APOBR: variants seen among roughly 807,000 people sequenced by gnomAD.
The protein encoded by APOBR is apoB-48R.
In APOBR, 57 loss-of-function variants were observed where a neutral mutation model predicts 88.5. The observed-to-expected ratio is 0.64, with a 90% CI of 0.52 to 0.80. The LOEUF (loss-of-function observed/expected upper bound fraction) is 0.80, where lower values mean the gene tolerates loss of function less well. Ranked by LOEUF, APOBR falls within the 30% of genes least tolerant of loss-of-function variation. The pLI is 0.00. For synonymous variants in APOBR, 588 were observed against 572.7 expected, an observed-to-expected ratio of 1.03 and a Z score of -0.38; for missense variants, 1,443 against 1,401.6, an observed-to-expected ratio of 1.03 and a Z score of -0.47.
chr16:28,496,300 A>C lies in APOBR; in HGVS notation c.1259A>C (p.Glu420Ala). Residue 420 changes from glutamate to alanine, a missense_variant, in exon 2 of 4, where the codon GAG (glutamate) becomes GCG (alanine). Coordinates refer to ENST00000564831, the MANE Select transcript of APOBR (RefSeq NM_018690.4). The part of the protein sequence containing the change: ...EEEGDEEREA[E>A]VSPFPKQPQV... Reference sequence around the variant, plus strand: ...GAGGGGGATGAGGAGAGAGAGGCTGAGGTGAGCCCTTTCCCCAAACAGCCC... The same window carrying C: ...GAGGGGGATGAGGAGAGAGAGGCTGCGGTGAGCCCTTTCCCCAAACAGCCC... The C allele has an allele frequency of 6.3e-7, 1 of 1,590,148 alleles. No homozygotes were observed. The highest frequency in any genetic ancestry group is 1.1e-5 in the South Asian group (1 of 87,334).
Position 28,495,465 on chromosome 16 carries a change from T to C in APOBR, c.424T>C (p.Ser142Pro), listed in dbSNP as rs369579024. ...CGCCCACTTGGAGGCCAGAAAGAAA[T>C]CCAAGGCAGGGTCTGGGGCTTGCCA... ...PSAHLEARKK[S>P]KAGSGACQDR... The change falls in exon 2 of 4, where the codon TCC becomes CCC. Residue 142 changes from serine to proline, a missense_variant. Ser to Pro is a moderately conservative substitution (Grantham distance 74, BLOSUM62 -1). Coordinates refer to ENST00000564831, the MANE Select transcript of APOBR (RefSeq NM_018690.4). 5 of 1,561,464 alleles carry C rather than the reference T, an allele frequency of 3.2e-6. No homozygotes were observed. Among genetic ancestry groups the C allele is most frequent in the African/African-American group, 1.4e-5 (1 of 73,172 alleles).
At chr16:28,494,958 G>A (rs539893437) in intron 1 of APOBR, 141 bp from the exon 2 acceptor site, 3 of 954,592 alleles carry the variant, frequency 3.1e-6, no homozygotes, top group East Asian at 5.4e-5. Context: ...TGCCCCTTCT[G>A]GCTCCTTCTG....
In APOBR at chr16:28,495,107, C is replaced by T. The variant is rs151233; in HGVS notation, c.66C>T (p.Leu22=). 0.14 allele frequency: 212,735 copies of T among 1,511,616 alleles called. 18,234 individuals carry two copies. Among genetic ancestry groups the T allele is most frequent in the South Asian group, 0.38 (28,795 of 75,256 alleles). The allele number at this position is 1,511,616 out of a possible 1,614,324, so 93.6% of individuals were successfully genotyped here. The change falls in exon 2 of 4, where the codon CTC becomes CTT. Residue 22 remains leucine (L), a synonymous_variant. Transcript: ENST00000564831. Reference sequence around the variant, plus strand: ...TCTCTCTTTTTTCCTAGGATTCCCTCGGCACCTTTGTCTCCTACCTCCTGG... The same window carrying T: ...TCTCTCTTTTTTCCTAGGATTCCCTTGGCACCTTTGTCTCCTACCTCCTGG... ...HQALRGALDS[L]GTFVSYLLGD...
rs778892949 is a variant in APOBR, at chr16:28,497,750, G to A, written c.2709G>A (p.Arg903=). 1.2e-6 allele frequency: 2 copies of A among 1,604,542 alleles called. No individual in the cohort carries two copies. The highest frequency in any genetic ancestry group is 1.7e-6 in the Non-Finnish European group (2 of 1,175,742). ...AACAGAGGGAAGACAGTGAGGGGCGGTGTGGGGACTACCACCCTGAGGGAG... is the reference window on the plus strand; with the variant it reads ...AACAGAGGGAAGACAGTGAGGGGCGATGTGGGGACTACCACCCTGAGGGAG... ...EREQREDSEG[R]CGDYHPEGEA... The change falls in exon 2 of 4, where the codon CGG becomes CGA. Residue 903 remains arginine, a synonymous_variant. Coordinates refer to ENST00000564831, the MANE Select transcript of APOBR (RefSeq NM_018690.4).
Position 28,494,658 on chromosome 16 carries a change from GACACACAGAC to G in APOBR, c.-22_-13del. On this transcript the variant is annotated 5_prime_UTR_variant, in exon 1 of 4. Transcript: ENST00000564831. Reference sequence around the variant, plus strand: ...GGGGACGGTCATTATCAGCTTTCTGGACACACAGACAGAGACAGACAGGATGGACTTCCTC... The same window carrying G: ...GGGGACGGTCATTATCAGCTTTCTGGAGAGACAGACAGGATGGACTTCCTC... 1 of 1,605,690 alleles carries G rather than the reference GACACACAGAC, an allele frequency of 6.2e-7. No individual in the cohort carries two copies. The highest frequency in any genetic ancestry group is 8.5e-7 in the Non-Finnish European group (1 of 1,175,168).
intron 1 of APOBR, 35 bp from the exon 2 acceptor site, chr16:28,495,064 C>G: frequency 2.0e-6 from 3 of 1,465,260 alleles, no homozygotes; most frequent in South Asian, 1.4e-5. Context: ...GGACTCTCCT[C>G]AATGACTCTC....
Position 28,496,160 on chromosome 16 carries a change from G to A in APOBR, c.1119G>A (p.Trp373Ter). The change falls in exon 2 of 4, where the codon TGG becomes TGA. Residue 373 changes from tryptophan (W) to a stop codon, truncating the protein, a stop_gained. Transcript: ENST00000564831. LOFTEE classifies it high-confidence loss of function. ...AGTASGGDEA[W>*]TTSGKEEADL... ...CAGCCTCAGGAGGGGACGAGGCCTG[G>A]ACAACCTCAGGCAAAGAGGAGGCTG... 1 of 1,548,202 alleles carries A rather than the reference G, an allele frequency of 6.5e-7. No individual in the cohort carries two copies. The highest frequency in any genetic ancestry group is 8.7e-7 in the Non-Finnish European group (1 of 1,149,150).
chr16:28,495,375 C>A lies in APOBR; in HGVS notation c.334C>A (p.Gln112Lys), dbSNP rs1308719558. Residue 112 changes from glutamine (Q) to lysine (K), a missense_variant, in exon 2 of 4, where the codon CAA becomes AAA. Gln to Lys is a moderately conservative substitution (Grantham distance 53, BLOSUM62 1). Transcript: ENST00000564831. ...GGGAGATGGCAGCTCCCATGGGTCC[C>A]AAGCAGAGAGGCAGGACAGTGGGGC... is the stretch of plus-strand genomic sequence containing the variant. ...GWGDGSSHGS[Q>K]AERQDSGAGE... 1 of 1,562,790 alleles carries A rather than the reference C, an allele frequency of 6.4e-7. No homozygotes were observed.
Position 28,498,475 on chromosome 16 carries a change from A to G in APOBR, c.3264A>G (p.Gln1088=). 2 of 1,602,852 alleles carry G rather than the reference A, an allele frequency of 1.2e-6. No homozygotes were observed. The highest frequency in any genetic ancestry group is 8.5e-7 in the Non-Finnish European group (1 of 1,175,264). ...LAHPGMMQEL[Q]ARLGRPKPQ is the part of the protein sequence containing the mutation. ...ACCCTGGCATGATGCAGGAGCTGCA[A>G]GCCCGTCTGGGCCGGCCTAAGCCCC... is the stretch of plus-strand genomic sequence containing the variant. Residue 1088 remains glutamine, a synonymous_variant, in exon 4 of 4, where the codon CAA becomes CAG. Coordinates refer to ENST00000564831, the MANE Select transcript of APOBR (RefSeq NM_018690.4).
chr16:28,497,934 G>C lies in APOBR; in HGVS notation c.2893G>C (p.Glu965Gln). Residue 965 changes from glutamate to glutamine, a missense_variant, in exon 2 of 4, where the codon GAA becomes CAA. Physicochemically the swap from Glu to Gln is conservative, Grantham distance 29 (BLOSUM62 2). Coordinates refer to ENST00000564831, the MANE Select transcript of APOBR (RefSeq NM_018690.4). The part of the protein sequence containing the change: ...PAEAAPESVG[E>Q]AETAEAMGSA... ...AGAAGCTGCGCCGGAGTCAGTCGGG[G>C]AAGCCGAGACGGCTGAGGCCATGGG... The C allele has an allele frequency of 3.7e-6, 6 of 1,613,464 alleles. No individual in the cohort carries two copies. Among genetic ancestry groups the C allele is most frequent in the Non-Finnish European group, 5.1e-6 (6 of 1,179,700 alleles).
Position 28,496,887 on chromosome 16 carries a change from G to T in APOBR, c.1846G>T (p.Ala616Ser), listed in dbSNP as rs749895021. 4 of 1,560,088 alleles carry T rather than the reference G, an allele frequency of 2.6e-6. No homozygotes were observed. Among genetic ancestry groups the T allele is most frequent in the Non-Finnish European group, 3.5e-6 (4 of 1,152,288 alleles). ...PRHAGSVKPE[A>S]SEAFPGAWEN... Reference sequence around the variant, plus strand: ...GCACGCGGGGTCTGTAAAGCCTGAGGCCTCCGAGGCCTTCCCAGGAGCCTG... The same window carrying T: ...GCACGCGGGGTCTGTAAAGCCTGAGTCCTCCGAGGCCTTCCCAGGAGCCTG... Residue 616 changes from alanine to serine, a missense_variant, in exon 2 of 4, where the codon GCC becomes TCC. Ala to Ser is a moderately conservative substitution (Grantham distance 99, BLOSUM62 1). Transcript: ENST00000564831.
Position 28,498,758 on chromosome 16 carries a change from C to T in APOBR, c.*253C>T. 1.7e-6 allele frequency: 1 copy of T among 585,660 alleles called. No homozygotes were observed. Among genetic ancestry groups the T allele is most frequent in the Non-Finnish European group, 3.0e-6 (1 of 328,490 alleles). The allele number at this position is 585,660 out of a possible 1,614,324, so 36.3% of individuals were successfully genotyped here. A position where few individuals can be genotyped will look rare whatever the true frequency, so the allele number is the denominator to read the frequency against. On this transcript the variant is annotated 3_prime_UTR_variant, in exon 4 of 4. Coordinates refer to ENST00000564831, the MANE Select transcript of APOBR (RefSeq NM_018690.4). The stretch of plus-strand genomic sequence containing the variant: ...GAGACCACCTCTCAGGGTGCCTGCC[C>T]TGGTTCCTCCCCAGCCTGAGTCAGC...
chr16:28,495,971 T>C lies in APOBR; in HGVS notation c.930T>C (p.Ala310=), dbSNP rs377700718. ...EARTISGGEE[A]ETASGGEEAE... ...GGACAATCTCAGGCGGGGAGGAGGC[T>C]GAGACAGCCTCAGGCGGGGAGGAGG... Residue 310 remains alanine (A), a synonymous_variant, in exon 2 of 4, where the codon GCT becomes GCC. Transcript: ENST00000564831. 3 of 1,602,482 alleles carry C rather than the reference T, an allele frequency of 1.9e-6. No homozygotes were observed. Among genetic ancestry groups the C allele is most frequent in the African/African-American group, 2.9e-5 (2 of 70,044 alleles).
In APOBR at chr16:28,498,823, C is replaced by T. The variant is rs748211266; in HGVS notation, c.*318C>T. ...GGAGGCTGGGCACGGGGGCTCACGC[C>T]TGTCACCCCAGAGCTTTGGGAGGCC... On this transcript the variant is annotated 3_prime_UTR_variant, in exon 4 of 4. Coordinates refer to ENST00000564831, the MANE Select transcript of APOBR (RefSeq NM_018690.4). The T allele has an allele frequency of 2.5e-5, 14 of 565,230 alleles. No homozygotes were observed. The highest frequency in any genetic ancestry group is 1.9e-4 in the South Asian group (10 of 52,580). The allele number at this position is 565,230 out of a possible 1,614,324, so 35.0% of individuals were successfully genotyped here.
chr16:28,496,340 T>C lies in APOBR; in HGVS notation c.1299T>C (p.Thr433=), dbSNP rs765023926. 1.9e-6 allele frequency: 3 copies of C among 1,588,082 alleles called. No individual in the cohort carries two copies. Among genetic ancestry groups the C allele is most frequent in the Admixed American group, 3.6e-5 (2 of 55,878 alleles). ...CCAAACAGCCCCAGGTCCTGGGCAC[T>C]GAAAGAACAGAAGAGGCTGCTGAGA... ...PFPKQPQVLG[T]ERTEEAAESQ... is the part of the protein sequence containing the mutation. The change falls in exon 2 of 4, where the codon ACT becomes ACC. Residue 433 remains threonine (T), a synonymous_variant. Coordinates refer to ENST00000564831, the MANE Select transcript of APOBR (RefSeq NM_018690.4).
Position 28,496,743 on chromosome 16 carries a change from G to T in APOBR, c.1702G>T (p.Gly568Trp). 1 of 1,591,136 alleles carries T rather than the reference G, an allele frequency of 6.3e-7. No homozygotes were observed. The highest frequency in any genetic ancestry group is 2.3e-5 in the East Asian group (1 of 43,968). The change falls in exon 2 of 4, where the codon GGG becomes TGG. Residue 568 changes from glycine to tryptophan, a missense_variant. Gly to Trp is a radical substitution (Grantham distance 184). Transcript: ENST00000564831. Reference sequence around the variant, plus strand: ...CAAAGGCCAAGGACCTGAGCTGATGGGGGGCGCCCAGACCCCAACTAAGCA... The same window carrying T: ...CAAAGGCCAAGGACCTGAGCTGATGTGGGGCGCCCAGACCCCAACTAAGCA... Reference protein sequence around the residue: ...VTKGQGPELMGGAQTPTKQPE... With the variant: ...VTKGQGPELMWGAQTPTKQPE...
At position 28,495,587 on chromosome 16, in the gene APOBR, G is replaced by A; in HGVS notation, c.546G>A (p.Glu182=). 2 of 1,562,660 alleles carry A rather than the reference G, an allele frequency of 1.3e-6. No homozygotes were observed. Among genetic ancestry groups the A allele is most frequent in the Middle Eastern group, 1.7e-4 (1 of 5,998 alleles). Reference sequence around the variant, plus strand: ...GAAGCTGGGAACAGGAGGAGGAGGAGGAAGAGGTCAGGGCAAGAGAGCCAG... The same window carrying A: ...GAAGCTGGGAACAGGAGGAGGAGGAAGAAGAGGTCAGGGCAAGAGAGCCAG... ...RLRSWEQEEE[E]EEVRAREPGM... is the part of the protein sequence containing the mutation. Residue 182 remains glutamate, a synonymous_variant, in exon 2 of 4, where the codon GAG becomes GAA. Coordinates refer to ENST00000564831, the MANE Select transcript of APOBR (RefSeq NM_018690.4).
At position 28,497,816 on chromosome 16, in the gene APOBR, C is replaced by T. The variant is rs372295330; in HGVS notation, c.2775C>T (p.Thr925=). 83 of 1,606,494 alleles carry T rather than the reference C, an allele frequency of 5.2e-5. No homozygotes were observed. The highest frequency in any genetic ancestry group is 1.2e-4 in the Admixed American group (7 of 58,236). Residue 925 remains threonine (T), a synonymous_variant, in exon 2 of 4, where the codon ACC becomes ACT. Coordinates refer to ENST00000564831, the MANE Select transcript of APOBR (RefSeq NM_018690.4). ...TTGATGCAGAGGGTCTCATGGTGAC[C>T]GGGGGCCGGAGGGCAGAGGCCAAGG... ...RLLDAEGLMV[T]GGRRAEAKET...
In APOBR at chr16:28,498,088, TC is replaced by T; in HGVS notation, c.2967del (p.Ser991ProfsTer3). The T allele has an allele frequency of 6.5e-7, 1 of 1,547,552 alleles. No homozygotes were observed. The highest frequency in any genetic ancestry group is 8.7e-7 in the Non-Finnish European group (1 of 1,152,704). ...GTGCCCCCTTTCCTGCAGGCCCCGC[TC>T]CCCGGGTCCCTCCTAGACGTCTCTG... is the stretch of plus-strand genomic sequence containing the variant. ...GAANSWSEAP[L>X]PGSLLDVSVP... On this transcript the variant is annotated frameshift_variant, in exon 3 of 4. Transcript: ENST00000564831. LOFTEE classifies it high-confidence loss of function.
Sources: allele counts gnomAD v4.1 joint callset, GRCh38; gene constraint gnomAD v4.1.1; transcripts MANE v1.5; gene names NCBI Gene and HGNC (gene_info 2026-07-23, HGNC 2026-07-21).